LHFPL3: variants seen among roughly 807,000 people sequenced by gnomAD.
LHFPL3 encodes LHFPL tetraspan subfamily member 3.
Under a neutral mutation model 19.3 loss-of-function variants are expected in LHFPL3, and 5 were observed. The ratio of observed to expected loss-of-function variants is 0.26; its 90% CI spans 0.14 to 0.54. LHFPL3 has a LOEUF of 0.54. LHFPL3 is among the 20% of genes least tolerant of loss of function. LHFPL3 has a pLI of 0.94. For missense variants in LHFPL3, 249 were observed against 307.4 expected (o/e 0.81, Z 1.42); for synonymous variants, 133 against 126.2 (o/e 1.05, Z -0.36).
intron 1 of LHFPL3, among the ~76,000 whole-genome samples, chr7:104,476,383 TAGG>T (rs1205260798): frequency 2.0e-5 from 3 of 152,164 alleles, no homozygotes; most frequent in African/African-American, 7.2e-5. Flanking sequence ...TTGAAGGAAA[TAGG>T]AGTATATAAA....
Position 104,399,552 on chromosome 7 carries a change from C to T in LHFPL3, c.445+70328C>T, listed in dbSNP as rs1168736043. On this transcript the variant is annotated intron_variant, in intron 1 of 2. Transcript: ENST00000424859. The surrounding 1 kb of genome is among the most constrained non-coding windows in gnomAD (Gnocchi z 4.4). ...TCTTGGCTCAGTGCAACCTCTGGCT[C>T]CTGGGTTCAAGGAATTCTCCTGCCT... Among the ~76,000 whole-genome samples, 1 of 151,490 alleles carries T rather than the reference C, an allele frequency of 6.6e-6. No individual in the cohort carries two copies. Among genetic ancestry groups the T allele is most frequent in the Non-Finnish European group, 1.5e-5 (1 of 67,918 alleles).
chr7:104,787,695 T>C (rs2116438877), intron 2 of LHFPL3, among the ~76,000 whole-genome samples: 1 of 152,226 alleles, frequency 6.6e-6, no homozygotes, highest in Non-Finnish European at 1.5e-5. Flanking sequence ...GGAGTACAGG[T>C]GCACGCCACC....
At chr7:104,708,904 C>G (rs976388336) in intron 1 of LHFPL3, among the ~76,000 whole-genome samples, 1 of 152,098 alleles carries the variant, frequency 6.6e-6, no homozygotes, top group African/African-American at 2.4e-5. Flanking sequence ...TTAGATTTGT[C>G]TTCATCACCA....
chr7:104,653,337 G>T (rs1190097849), intron 1 of LHFPL3, among the ~76,000 whole-genome samples: 1 of 152,208 alleles, frequency 6.6e-6, no homozygotes, highest in Non-Finnish European at 1.5e-5. Context: ...ACATCCGGGA[G>T]AGAAGACAGA....
At chr7:104,721,605 C>T (rs1261042748) in intron 1 of LHFPL3, among the ~76,000 whole-genome samples, 1 of 151,882 alleles carries the variant, frequency 6.6e-6, no homozygotes, top group Non-Finnish European at 1.5e-5. Flanking sequence ...ACATGCTTTG[C>T]GTGGACAAAC....
At chr7:104,798,126 A>G (rs1046230955) in intron 2 of LHFPL3, among the ~76,000 whole-genome samples, 9 of 152,300 alleles carry the variant, frequency 5.9e-5, no homozygotes, top group African/African-American at 2.2e-4. Flanking sequence ...CTAGAACTAG[A>G]AACAAGCAGT....
chr7:104,446,981 A>C (rs531866916), intron 1 of LHFPL3, among the ~76,000 whole-genome samples: 62 of 152,282 alleles, frequency 4.1e-4, no homozygotes, highest in African/African-American at 1.4e-3. Context: ...GCTTGCTCTG[A>C]TTTACTCATA....
chr7:104,488,869 A>G (rs149148556), intron 1 of LHFPL3, among the ~76,000 whole-genome samples: 6 of 152,320 alleles, frequency 3.9e-5, no homozygotes, highest in Non-Finnish European at 8.8e-5. Context: ...GAATGAGTAG[A>G]AAGTGGCAAG....
At chr7:104,812,117 T>C (rs1377405462) in intron 2 of LHFPL3, among the ~76,000 whole-genome samples, 1 of 152,242 alleles carries the variant, frequency 6.6e-6, no homozygotes, top group East Asian at 1.9e-4. Context: ...TTGTTGTCAA[T>C]GCTGTCTTAC....
intron 1 of LHFPL3, among the ~76,000 whole-genome samples, chr7:104,667,258 T>C (rs1405249005): frequency 8.8e-6 from 1 of 113,746 alleles, no homozygotes; most frequent in Non-Finnish European, 1.8e-5. Context: ...CAATCATCTG[T>C]TTTCTTGGGG....
At chr7:104,649,002 C>T (rs893943858) in intron 1 of LHFPL3, among the ~76,000 whole-genome samples, 1 of 152,226 alleles carries the variant, frequency 6.6e-6, no homozygotes, top group Non-Finnish European at 1.5e-5. Context: ...TTCTTCCCCT[C>T]CTATTTTCCT....
At chr7:104,829,452 G>T (rs1287306310) in intron 2 of LHFPL3, among the ~76,000 whole-genome samples, 2 of 151,680 alleles carry the variant, frequency 1.3e-5, no homozygotes, top group African/African-American at 2.4e-5. Context: ...TTAGCATTAG[G>T]TATATCTCCT....
In LHFPL3 at chr7:104,617,739, A is replaced by G. The variant is rs377459600; in HGVS notation, c.446-118936A>G. On this transcript the variant is annotated intron_variant, in intron 1 of 2. Coordinates refer to ENST00000424859, the MANE Select transcript of LHFPL3 (RefSeq NM_199000.3). ...CACTACTCTGTAGCTTGAATATGAG[A>G]CTTCAGATTTTTGGTGTTTTCTTTA... Among the ~76,000 whole-genome samples the G allele has an allele frequency of 2.2e-4, 33 of 152,270 alleles. No homozygotes were observed. In the East Asian group the frequency reaches 3.7e-3, roughly 17 times the overall value.
At chr7:104,609,505 A>G (rs1443382637) in intron 1 of LHFPL3, among the ~76,000 whole-genome samples, 3 of 152,204 alleles carry the variant, frequency 2.0e-5, no homozygotes, top group East Asian at 1.9e-4. Flanking sequence ...ATTGAGCACA[A>G]TAAGAGGGCT....
chr7:104,650,982 T>C (rs1481335095), intron 1 of LHFPL3, among the ~76,000 whole-genome samples: 2 of 152,202 alleles, frequency 1.3e-5, no homozygotes, highest in Non-Finnish European at 2.9e-5. Context: ...CAAAGGACTT[T>C]TAAGAATCTA....
intron 1 of LHFPL3, among the ~76,000 whole-genome samples, chr7:104,424,950 C>A (rs1791810672): frequency 7.3e-6 from 1 of 137,038 alleles, no homozygotes; most frequent in South Asian, 2.3e-4. Context: ...CCACTACACT[C>A]CAGCCTGGGC....
At chr7:104,347,469 G>A (rs1790092962) in intron 1 of LHFPL3, among the ~76,000 whole-genome samples, 1 of 152,128 alleles carries the variant, frequency 6.6e-6, no homozygotes, top group Admixed American at 6.5e-5. Context: ...TATCATTGAG[G>A]CTCAGGTGAA....
intron 2 of LHFPL3, among the ~76,000 whole-genome samples, chr7:104,777,771 C>G (rs1372398632): frequency 6.7e-6 from 1 of 149,946 alleles, no homozygotes; most frequent in South Asian, 2.1e-4. Context: ...TTTTTCCCTT[C>G]GTTCCCTTTC....
chr7:104,328,765 A>AGGAGGAGGG lies in LHFPL3; in HGVS notation c.-10_-2dup. 1 of 1,555,356 alleles carries AGGAGGAGGG rather than the reference A, an allele frequency of 6.4e-7. No homozygotes were observed. The highest frequency in any genetic ancestry group is 8.7e-7 in the Non-Finnish European group (1 of 1,149,192). ...GAGGACCAGGAGGAGGAGGAGGAGG[A>AGGAGGAGGG]GGAGGAGGGGGAGAATGCCCGGAGC... is the stretch of plus-strand genomic sequence containing the variant. On this transcript the variant is annotated 5_prime_UTR_variant, in exon 1 of 3. Transcript: ENST00000424859. This position sits in a 1 kb window ranked among gnomAD's most constrained non-coding sequence, Gnocchi z 4.6.
Sources: allele counts gnomAD v4.1 joint callset (sites outside exome capture counted in the v4.1 genomes callset), GRCh38; gene constraint gnomAD v4.1.1; non-coding constraint Gnocchi (gnomAD v3.1); transcripts MANE v1.5; gene names NCBI Gene and HGNC (gene_info 2026-07-23, HGNC 2026-07-21).